AS3MT: variants seen among roughly 807,000 people sequenced by gnomAD.
The protein encoded by AS3MT is S-adenosyl-L-methionine:arsenic(III) methyltransferase.
AS3MT carries 47 observed loss-of-function variants against 45.3 expected under a neutral mutation model. That is an observed-to-expected ratio of 1.04 (90% CI 0.82 to 1.32). The LOEUF (loss-of-function observed/expected upper bound fraction) is 1.32. Ranked by LOEUF, AS3MT falls within the 40% of genes most tolerant of loss-of-function variation. AS3MT has a pLI of 0.00. For missense variants in AS3MT, 396 were observed against 451.1 expected (o/e 0.88, Z 1.11); for synonymous variants, 141 against 152.8 (o/e 0.92, Z 0.57).
chr10:102,887,653 T>C (rs1483438917), intron 9 of AS3MT, among the ~76,000 whole-genome samples: 2 of 152,182 alleles, frequency 1.3e-5, no homozygotes, highest in African/African-American at 4.8e-5. Context: ...TGGTTTCCAG[T>C]TGCTTGGAAT....
At chr10:102,891,052 CA>C (rs1301969476) in intron 10 of AS3MT, among the ~76,000 whole-genome samples, 2 of 152,108 alleles carry the variant, frequency 1.3e-5, no homozygotes, top group African/African-American at 4.8e-5. Context: ...TCTTGCTGGT[CA>C]AATGTTGTTA....
chr10:102,870,178 C>G lies in AS3MT; in HGVS notation c.137C>G (p.Ala46Gly), dbSNP rs779145933. The stretch of plus-strand genomic sequence containing the variant: ...CCGGTCCCCAAGCACATCCGGGAAG[C>G]CTTGCAAAATGTACACGAAGAAGTA... Reference protein sequence around the residue: ...ARPVPKHIREALQNVHEEVAL... With the variant: ...ARPVPKHIREGLQNVHEEVAL... The change falls in exon 3 of 11, where the codon GCC (alanine) becomes GGC (glycine). Residue 46 changes from alanine to glycine, a missense_variant. By Grantham distance (60) the Ala-to-Gly change is moderately conservative. Coordinates refer to ENST00000369880, the MANE Select transcript of AS3MT (RefSeq NM_020682.4). 3.6e-5 allele frequency: 58 copies of G among 1,614,076 alleles called. No homozygotes were observed. The highest frequency in any genetic ancestry group is 1.6e-4 in the Middle Eastern group (1 of 6,084).
At chr10:102,875,009 T>C (rs939345850) in intron 6 of AS3MT, among the ~76,000 whole-genome samples, 1 of 152,222 alleles carries the variant, frequency 6.6e-6, no homozygotes, top group Non-Finnish European at 1.5e-5. Flanking sequence ...GAATATACTC[T>C]CTTCTAGCAT....
intron 10 of AS3MT, among the ~76,000 whole-genome samples, chr10:102,898,906 G>A (rs976063769): frequency 3.3e-5 from 5 of 152,192 alleles, no homozygotes; most frequent in Admixed American, 1.3e-4. Context: ...CTAAACCAGT[G>A]TGCTGCTCCA....
intron 2 of AS3MT, 101 bp from the exon 3 acceptor site, chr10:102,869,983 G>T (rs1430405984): frequency 3.8e-6 from 6 of 1,563,884 alleles, no homozygotes; most frequent in Non-Finnish European, 5.2e-6. Flanking sequence ...AGGGAACTGA[G>T]GTCGGCCAAG....
In AS3MT at chr10:102,900,760, C is replaced by T; in HGVS notation, c.*60C>T. Reference sequence around the variant, plus strand: ...AAGAGTGATCTGCATGTTTTTTAACCTGCTTTTCCCCATAGCACAGACCAT... The same window carrying T: ...AAGAGTGATCTGCATGTTTTTTAACTTGCTTTTCCCCATAGCACAGACCAT... On this transcript the variant is annotated 3_prime_UTR_variant, in exon 11 of 11. Coordinates refer to ENST00000369880, the MANE Select transcript of AS3MT (RefSeq NM_020682.4). The T allele has an allele frequency of 7.7e-7, 1 of 1,305,228 alleles. No homozygotes were observed. Among genetic ancestry groups the T allele is most frequent in the Non-Finnish European group, 1.1e-6 (1 of 901,086 alleles). 80.9% of individuals were successfully genotyped at this position (1,305,228 alleles called of 1,614,324 possible).
In AS3MT at chr10:102,882,139, C is replaced by A. The variant is rs531016309; in HGVS notation, c.885+3148C>A. On this transcript the variant is annotated intron_variant, in intron 9 of 10. Coordinates refer to ENST00000369880, the MANE Select transcript of AS3MT (RefSeq NM_020682.4). ...TATTTTTAGTAGAGTTGGGATTTCA[C>A]CGTGTTAGCCAGGATGGTCTCAATC... Among the ~76,000 whole-genome samples, 5 of 152,126 alleles carry A rather than the reference C, an allele frequency of 3.3e-5. No homozygotes were observed. The South Asian group carries it at 1.0e-3, about 31-fold the overall frequency.
Position 102,873,252 on chromosome 10 carries a change from T to G in AS3MT, c.458+19T>G. The G allele has an allele frequency of 1.3e-6, 2 of 1,534,250 alleles. No individual in the cohort carries two copies. The highest frequency in any genetic ancestry group is 1.7e-6 in the Non-Finnish European group (2 of 1,147,032). ...TTGTTGTGTAGGTCTATATTCTTAC[T>G]GTTATGACTATAGCCCATTTTCTTT... On this transcript the variant is annotated intron_variant, in intron 5 of 10. Coordinates refer to ENST00000369880, the MANE Select transcript of AS3MT (RefSeq NM_020682.4).
intron 9 of AS3MT, among the ~76,000 whole-genome samples, chr10:102,889,397 G>C (rs1299925265): frequency 6.6e-6 from 1 of 152,060 alleles, no homozygotes; most frequent in African/African-American, 2.4e-5. Flanking sequence ...GCATCTTGCT[G>C]CAAATGACAG....
rs760789645 is a variant in AS3MT at position 102,873,253 on chromosome 10, G to C, written c.458+20G>C. ...TGTTGTGTAGGTCTATATTCTTACT[G>C]TTATGACTATAGCCCATTTTCTTTA... On this transcript the variant is annotated intron_variant, in intron 5 of 10. Coordinates refer to ENST00000369880, the MANE Select transcript of AS3MT (RefSeq NM_020682.4). The C allele has an allele frequency of 4.6e-6, 7 of 1,531,914 alleles. No individual in the cohort carries two copies. The South Asian group carries it at 9.1e-5, about 20-fold the overall frequency. 94.9% of individuals were successfully genotyped at this position (1,531,914 alleles called of 1,614,324 possible).
intron 10 of AS3MT, among the ~76,000 whole-genome samples, chr10:102,896,466 G>A (rs1845173624): frequency 1.3e-5 from 2 of 151,664 alleles, no homozygotes; most frequent in South Asian, 4.2e-4. Flanking sequence ...AGTATTACCA[G>A]CATGAATCTA....
chr10:102,873,334 G>A (rs999575445), intron 5 of AS3MT, 101 bp downstream of exon 5: 5 of 943,778 alleles, frequency 5.3e-6, no homozygotes, highest in African/African-American at 3.4e-5. Context: ...AGGCCAGAGT[G>A]CAGTGGCCCA....
chr10:102,869,605 C>A lies in AS3MT; in HGVS notation c.1+12C>A, dbSNP rs1359606574. The A allele has an allele frequency of 6.5e-7, 1 of 1,547,794 alleles. No individual in the cohort carries two copies. Among genetic ancestry groups the A allele is most frequent in the Non-Finnish European group, 8.7e-7 (1 of 1,154,394 alleles). ...AGGCCGAGGAGACAGTGAGTGCGCG[C>A]CCTGGGCGCCCCGCCCCAGCCCCCA... is the stretch of plus-strand genomic sequence containing the variant. On this transcript the variant is annotated intron_variant, in intron 1 of 10. Coordinates refer to ENST00000369880, the MANE Select transcript of AS3MT (RefSeq NM_020682.4).
intron 3 of AS3MT, among the ~76,000 whole-genome samples, chr10:102,871,546 C>CAAA (rs748797211): frequency 0.057 from 1,317 of 23,262 alleles, 188 homozygotes; most frequent in South Asian, 0.066. Context: ...GACTCCGTCT[C>CAAA]AAAAAAAAAA....
chr10:102,869,780 C>T (rs1844645631), intron 1 of AS3MT, 25 bp from the exon 2 acceptor site: 2 of 1,614,142 alleles, frequency 1.2e-6, no homozygotes, highest in East Asian at 4.5e-5. Flanking sequence ...CCTCTCCTTT[C>T]AACTAACTTT....
intron 9 of AS3MT, among the ~76,000 whole-genome samples, chr10:102,885,957 G>A (rs975793947): frequency 1.4e-4 from 21 of 151,972 alleles, no homozygotes; most frequent in Non-Finnish European, 2.2e-4. Flanking sequence ...TTGGGCCACC[G>A]CACCAGGCCA....
At chr10:102,874,476 G>C in intron 5 of AS3MT, 116 bp from the exon 6 acceptor site, 1 of 691,498 alleles carries the variant, frequency 1.4e-6, no homozygotes, top group Non-Finnish European at 2.6e-6. Flanking sequence ...GGAGGGAGGC[G>C]GTAAGAATGG....
intron 6 of AS3MT, 128 bp downstream of exon 6, chr10:102,874,789 GC>G (rs1317818431): frequency 5.5e-6 from 4 of 723,752 alleles, no homozygotes; most frequent in African/African-American, 5.3e-5. Context: ...ATAAGGGGTG[GC>G]AAAAGGGGGA....
chr10:102,891,245 G>A (rs1185017308), intron 10 of AS3MT, among the ~76,000 whole-genome samples: 1 of 152,168 alleles, frequency 6.6e-6, no homozygotes, highest in Non-Finnish European at 1.5e-5. Context: ...TCGAGAGACA[G>A]TTAACAACCA....
Sources: gnomAD v4.1 joint callset for allele counts (sites outside exome capture counted in the v4.1 genomes callset) on GRCh38, gnomAD v4.1.1 for gene constraint, MANE v1.5 for transcripts, NCBI Gene and HGNC (gene_info 2026-07-23, HGNC 2026-07-21) for gene names.